PCMTD1: variants seen among roughly 807,000 people sequenced by gnomAD.
PCMTD1 encodes the protein protein-L-isoaspartate O-methyltransferase domain-containing protein 1.
In PCMTD1, 12 loss-of-function variants were observed where a neutral mutation model predicts 37.6. The observed-to-expected ratio is 0.32, with a 90% CI of 0.20 to 0.52. The LOEUF is 0.52. Among genes scored for constraint, PCMTD1 ranks in the 20% least tolerant of loss-of-function variants. PCMTD1 has a pLI of 0.97. For synonymous variants in PCMTD1, 117 were observed against 135.8 expected, an observed-to-expected ratio of 0.86 and a Z score of 0.96; for missense variants, 235 against 421.3, an observed-to-expected ratio of 0.56 and a Z score of 3.87.
At chr8:51,889,688 T>C (rs952350367) in intron 1 of PCMTD1, among the ~76,000 whole-genome samples, 8 of 152,154 alleles carry the variant, frequency 5.3e-5, no homozygotes, top group African/African-American at 1.9e-4. Context: ...AATGTGAAAA[T>C]GTGGAAAGTA....
At chr8:51,837,675 C>T (rs891415696) in intron 3 of PCMTD1, among the ~76,000 whole-genome samples, 9 of 152,134 alleles carry the variant, frequency 5.9e-5, no homozygotes, top group Admixed American at 5.9e-4. Flanking sequence ...ATTAACTTTC[C>T]AATAAAGTAC....
chr8:51,838,122 A>T (rs1291372049), intron 3 of PCMTD1, among the ~76,000 whole-genome samples: 1 of 152,164 alleles, frequency 6.6e-6, no homozygotes, highest in African/African-American at 2.4e-5. Context: ...CATGTAAACA[A>T]ATTCATACCA....
intron 5 of PCMTD1, among the ~76,000 whole-genome samples, chr8:51,821,130 T>C (rs2037842292): frequency 6.6e-6 from 1 of 152,224 alleles, no homozygotes. Context: ...TGAGATCCCA[T>C]CCCCTATGAA....
At chr8:51,872,016 C>T (rs1410577949) in intron 1 of PCMTD1, among the ~76,000 whole-genome samples, 1 of 152,134 alleles carries the variant, frequency 6.6e-6, no homozygotes, top group East Asian at 1.9e-4. Flanking sequence ...TCATATTCCA[C>T]TTGGCTTGGA....
intron 2 of PCMTD1, 106 bp from the exon 3 acceptor site, chr8:51,845,869 C>T (rs940068948): frequency 6.0e-6 from 4 of 666,168 alleles, no homozygotes; most frequent in East Asian, 5.6e-5. Context: ...TTAAAGATGG[C>T]TTGAAATATG....
chr8:51,879,807 G>A (rs2038766332), intron 1 of PCMTD1, among the ~76,000 whole-genome samples: 1 of 152,080 alleles, frequency 6.6e-6, no homozygotes, highest in African/African-American at 2.4e-5. Flanking sequence ...CAAACTGGGG[G>A]AAAAAATTGC....
At chr8:51,854,799 C>T (rs1198969441) in intron 2 of PCMTD1, among the ~76,000 whole-genome samples, 1 of 151,792 alleles carries the variant, frequency 6.6e-6, no homozygotes, top group African/African-American at 2.4e-5. Context: ...ATTGCTTGAA[C>T]CTGGGAGGCG....
At chr8:51,848,027 G>C (rs1010074111) in intron 2 of PCMTD1, among the ~76,000 whole-genome samples, 4 of 152,104 alleles carry the variant, frequency 2.6e-5, no homozygotes, top group African/African-American at 9.7e-5. Context: ...GCTGCAGTGA[G>C]TTAGTTGTGT....
At position 51,839,527 on chromosome 8, in the gene PCMTD1, A is replaced by AC. The variant is rs1311904485; in HGVS notation, c.411-5839dup. On this transcript the variant is annotated intron_variant, in intron 3 of 5. Transcript: ENST00000522514. ...ACAGATGATTTCGTTCACAGCAGGGACCTTGCCAACTTGCCCATATAATTC... is the reference window on the plus strand; with the variant it reads ...ACAGATGATTTCGTTCACAGCAGGGACCCTTGCCAACTTGCCCATATAATTC... The AC allele has an allele frequency of 3.0e-6, 3 of 985,296 alleles. No homozygotes were observed. The African/African-American group carries it at 5.2e-5, about 17-fold the overall frequency. The allele number at this position is 985,296 out of a possible 1,614,324, so 61.0% of individuals were successfully genotyped here. A position where few individuals can be genotyped will look rare whatever the true frequency, so the allele number is the denominator to read the frequency against.
chr8:51,859,812 C>G (rs117798047), intron 2 of PCMTD1, among the ~76,000 whole-genome samples: 23 of 152,284 alleles, frequency 1.5e-4, no homozygotes, highest in Non-Finnish European at 2.8e-4. Context: ...TTCCCCATCA[C>G]TTTAGAATGA....
At chr8:51,824,940 G>C (rs1042447968) in intron 5 of PCMTD1, among the ~76,000 whole-genome samples, 1 of 152,158 alleles carries the variant, frequency 6.6e-6, no homozygotes, top group Non-Finnish European at 1.5e-5. Context: ...ACAAGCAATG[G>C]TGAAAAGATT....
rs553016867 is a variant in PCMTD1, at chr8:51,850,600, T to C, written c.308-4837A>G. 2.2e-3 allele frequency among the ~76,000 whole-genome samples: 341 copies of C among 152,274 alleles called. 1 individual carries two copies. Among genetic ancestry groups the C allele is most frequent in the Non-Finnish European group, 3.9e-3 (266 of 68,020 alleles). Reference sequence around the variant, plus strand: ...ATTTTTTAAAATCTGTTTTAGACTATCCAAATCTCTGTTCTCATTATAGTA... The same window carrying C: ...ATTTTTTAAAATCTGTTTTAGACTACCCAAATCTCTGTTCTCATTATAGTA... On this transcript the variant is annotated intron_variant, in intron 2 of 5. Coordinates refer to ENST00000522514, the MANE Select transcript of PCMTD1 (RefSeq NM_052937.4).
chr8:51,854,702 C>A (rs2038357314), intron 2 of PCMTD1, among the ~76,000 whole-genome samples: 1 of 151,936 alleles, frequency 6.6e-6, no homozygotes, highest in South Asian at 2.1e-4. Flanking sequence ...CACAGTGAAA[C>A]CCCGTCTCTA....
intron 1 of PCMTD1, among the ~76,000 whole-genome samples, chr8:51,862,770 T>C (rs1013821662): frequency 1.3e-5 from 2 of 152,216 alleles, no homozygotes; most frequent in African/African-American, 4.8e-5. Flanking sequence ...TTTCCTACAA[T>C]TGCCTTAAGA....
intron 5 of PCMTD1, among the ~76,000 whole-genome samples, chr8:51,823,477 A>G (rs2037877587): frequency 6.6e-6 from 1 of 152,116 alleles, no homozygotes; most frequent in Non-Finnish European, 1.5e-5. Context: ...ACAATTAATA[A>G]AAAAAAGTTC....
At chr8:51,836,871 G>C (rs1423226515) in intron 3 of PCMTD1, among the ~76,000 whole-genome samples, 3 of 152,122 alleles carry the variant, frequency 2.0e-5, no homozygotes, top group Non-Finnish European at 4.4e-5. Context: ...ACTGTGACCA[G>C]CCACCTATGG....
At chr8:51,874,340 C>G (rs1159358836) in intron 1 of PCMTD1, among the ~76,000 whole-genome samples, 30 of 152,034 alleles carry the variant, frequency 2.0e-4, no homozygotes, top group Admixed American at 2.0e-3. Context: ...CCACCCATCC[C>G]CCGCCCCCGG....
Position 51,817,969 on chromosome 8 carries a change from A to G in PCMTD1, c.*2382T>C. ...AAATTAGATGATACTTACTGTTTTA[A>G]CTAGCTATAAAATTCCAATACTATA... On this transcript the variant is annotated 3_prime_UTR_variant, in exon 6 of 6. Coordinates refer to ENST00000522514, the MANE Select transcript of PCMTD1 (RefSeq NM_052937.4). The G allele has an allele frequency of 2.2e-6, 1 of 456,646 alleles. No homozygotes were observed. The allele number at this position is 456,646 out of a possible 1,614,324, so 28.3% of individuals were successfully genotyped here. A position where few individuals can be genotyped will look rare whatever the true frequency, so the allele number is the denominator to read the frequency against.
chr8:51,822,867 G>C (rs2037869104), intron 5 of PCMTD1, among the ~76,000 whole-genome samples: 1 of 152,198 alleles, frequency 6.6e-6, no homozygotes, highest in Non-Finnish European at 1.5e-5. Context: ...AATTATAAAG[G>C]AGCTAGGAAA....
Sources: allele counts gnomAD v4.1 joint callset (sites outside exome capture counted in the v4.1 genomes callset), GRCh38; gene constraint gnomAD v4.1.1; transcripts MANE v1.5; gene names NCBI Gene and HGNC (gene_info 2026-07-23, HGNC 2026-07-21).